PDE7B: variants seen among roughly 807,000 people sequenced by gnomAD.
PDE7B encodes phosphodiesterase 7B.
A neutral mutation model predicts 56.2 loss-of-function variants in PDE7B; 29 were observed. The ratio of observed to expected loss-of-function variants is 0.52; its 90% CI spans 0.38 to 0.70. PDE7B has a LOEUF of 0.70. Among genes scored for constraint, PDE7B ranks in the 30% least tolerant of loss-of-function variants. The probability of loss-of-function intolerance (pLI) is 0.00; values close to 1 mark genes in which losing one functional copy is unlikely to be tolerated. For missense variants in PDE7B, 490 were observed against 565.0 expected, an observed-to-expected ratio of 0.87 and a Z score of 1.35; for synonymous variants, 197 against 196.9, an observed-to-expected ratio of 1.00 and a Z score of 0.00.
intron 1 of PDE7B, among the ~76,000 whole-genome samples, chr6:135,931,074 TA>T (rs956870749): frequency 6.6e-6 from 1 of 152,216 alleles, no homozygotes; most frequent in African/African-American, 2.4e-5. Context: ...TTTTCCACTT[TA>T]AAGGTCACAA....
At chr6:136,002,821 G>A (rs911207671) in intron 2 of PDE7B, among the ~76,000 whole-genome samples, 3 of 152,046 alleles carry the variant, frequency 2.0e-5, no homozygotes, top group South Asian at 4.2e-4. Context: ...GGATACCCAG[G>A]AATTGAACTC....
intron 2 of PDE7B, among the ~76,000 whole-genome samples, chr6:136,040,119 C>T (rs1776389745): frequency 6.6e-6 from 1 of 152,156 alleles, no homozygotes; most frequent in Non-Finnish European, 1.5e-5. Flanking sequence ...TGAAGCAGAG[C>T]TTGTTGAGTC....
At chr6:136,120,799 A>ATC (rs899263452) in intron 3 of PDE7B, among the ~76,000 whole-genome samples, 1 of 152,120 alleles carries the variant, frequency 6.6e-6, no homozygotes, top group African/African-American at 2.4e-5. Context: ...CATCAAAAGC[A>ATC]TCACAGGGAA....
chr6:136,063,214 A>G (rs1448192558), intron 2 of PDE7B, among the ~76,000 whole-genome samples: 1 of 152,210 alleles, frequency 6.6e-6, no homozygotes, highest in Non-Finnish European at 1.5e-5. Context: ...GGCTTGCAAA[A>G]TTGTAGGCAG....
intron 11 of PDE7B, 51 bp downstream of exon 11, chr6:136,181,374 C>G: frequency 9.1e-7 from 1 of 1,102,776 alleles, no homozygotes; most frequent in East Asian, 2.3e-5. Flanking sequence ...TTCTTTTAGG[C>G]ATTTATCCTA....
intron 2 of PDE7B, among the ~76,000 whole-genome samples, chr6:136,000,279 T>C (rs1429728065): frequency 6.6e-6 from 1 of 152,208 alleles, no homozygotes; most frequent in Non-Finnish European, 1.5e-5. Flanking sequence ...CAATTTTTGC[T>C]TTTGTTGCAA....
At chr6:135,886,403 G>A (rs1444027886) in intron 1 of PDE7B, among the ~76,000 whole-genome samples, 2 of 151,646 alleles carry the variant, frequency 1.3e-5, no homozygotes, top group East Asian at 3.9e-4. Context: ...AGTTTTTTGG[G>A]TATAAGTGGT....
In PDE7B at chr6:136,041,835, A is replaced by G. The variant is rs115454746; in HGVS notation, c.83-66896A>G. ...ATTTTGGAGATGAGGTAAATAGTTC[A>G]GAGAGACTCAATAAGGCATCCGGGA... On this transcript the variant is annotated intron_variant, in intron 2 of 12. Transcript: ENST00000308191. 3.6e-3 allele frequency among the ~76,000 whole-genome samples: 541 copies of G among 152,332 alleles called. 4 individuals are homozygous for G. The highest frequency in any genetic ancestry group is 0.012 in the African/African-American group (506 of 41,554).
At chr6:136,143,613 C>G (rs180919073) in intron 3 of PDE7B, among the ~76,000 whole-genome samples, 308 of 151,954 alleles carry the variant, frequency 2.0e-3, no homozygotes, top group African/African-American at 7.0e-3. Context: ...TCATTTGACT[C>G]TAGGTGAAGA....
intron 3 of PDE7B, among the ~76,000 whole-genome samples, chr6:136,140,042 G>C (rs1443637707): frequency 1.3e-5 from 2 of 152,122 alleles, no homozygotes; most frequent in Non-Finnish European, 2.9e-5. Flanking sequence ...TGAAGTTCTT[G>C]CCCATGCCTA....
chr6:136,033,266 T>C (rs1403314308), intron 2 of PDE7B, among the ~76,000 whole-genome samples: 1 of 152,208 alleles, frequency 6.6e-6, no homozygotes, highest in Non-Finnish European at 1.5e-5. Context: ...GACCCATTTT[T>C]TTGGAAAATT....
At chr6:135,943,327 TAAG>T (rs1339744355) in intron 1 of PDE7B, among the ~76,000 whole-genome samples, 1 of 152,170 alleles carries the variant, frequency 6.6e-6, no homozygotes, top group African/African-American at 2.4e-5. Flanking sequence ...AGTACAGTGA[TAAG>T]AAGAGGCAGC....
chr6:136,145,348 T>C (rs1778396107), intron 3 of PDE7B, among the ~76,000 whole-genome samples: 1 of 152,128 alleles, frequency 6.6e-6, no homozygotes, highest in Non-Finnish European at 1.5e-5. Flanking sequence ...TTTTAAATGA[T>C]TCCATCATTT....
chr6:136,037,448 GA>G, intron 2 of PDE7B: 1 of 985,416 alleles, frequency 1.0e-6, no homozygotes, highest in Non-Finnish European at 1.2e-6. Context: ...ACACAAGGGG[GA>G]GGGATGTGGA....
At chr6:136,083,485 A>G (rs1303632049) in intron 2 of PDE7B, among the ~76,000 whole-genome samples, 1 of 152,194 alleles carries the variant, frequency 6.6e-6, no homozygotes, top group Non-Finnish European at 1.5e-5. Context: ...AAGACGTAAC[A>G]GAAGTGTCTG....
chr6:136,156,485 C>T (rs527278861), intron 8 of PDE7B, among the ~76,000 whole-genome samples: 12 of 152,156 alleles, frequency 7.9e-5, no homozygotes, highest in East Asian at 1.9e-4. Context: ...CCTGGGACTA[C>T]AGGCATGAGC....
At chr6:136,124,415 C>A (rs969279334) in intron 3 of PDE7B, among the ~76,000 whole-genome samples, 1 of 151,978 alleles carries the variant, frequency 6.6e-6, no homozygotes, top group Admixed American at 6.5e-5. Context: ...AGCAAAGCAT[C>A]GACAAAATAG....
chr6:135,960,358 AG>A (rs1405297851), intron 2 of PDE7B, among the ~76,000 whole-genome samples: 2 of 152,212 alleles, frequency 1.3e-5, no homozygotes, highest in African/African-American at 4.8e-5. Context: ...CCTATGGAAA[AG>A]TTTCTTAGAA....
At chr6:136,100,075 G>A (rs867044562) in intron 2 of PDE7B, among the ~76,000 whole-genome samples, 47 of 152,318 alleles carry the variant, frequency 3.1e-4, no homozygotes, top group South Asian at 1.4e-3. Context: ...TCAAAGATCA[G>A]ATGGTTGTAG....
Sources: allele counts gnomAD v4.1 joint callset (sites outside exome capture counted in the v4.1 genomes callset), GRCh38; gene constraint gnomAD v4.1.1; transcripts MANE v1.5; gene names NCBI Gene and HGNC (gene_info 2026-07-23, HGNC 2026-07-21).